Variants in B3GALT1 observed in about 807,000 individuals in gnomAD.
B3GALT1 encodes UDP-Gal:betaGlcNAc beta 1,3-galactosyltransferase, polypeptide 1.
A neutral mutation model predicts 23.2 loss-of-function variants in B3GALT1; 10 were observed. The ratio of observed to expected loss-of-function variants is 0.43; its 90% CI spans 0.27 to 0.73. B3GALT1 has a LOEUF of 0.73. Ranked by LOEUF, B3GALT1 falls within the 30% of genes least tolerant of loss-of-function variation. The pLI is 0.21. For synonymous variants in B3GALT1, 156 were observed against 141.5 expected (o/e 1.10, Z -0.73); for missense variants, 299 against 405.4 (o/e 0.74, Z 2.25).
At chr2:167,811,649 T>C (rs1688891352) in intron 3 of B3GALT1, among the ~76,000 whole-genome samples, 1 of 150,886 alleles carries the variant, frequency 6.6e-6, no homozygotes, top group Non-Finnish European at 1.5e-5. Flanking sequence ...CAAATCCCCA[T>C]CTAGTACGAT....
At position 167,369,819 on chromosome 2, in the gene B3GALT1, C is replaced by T. The variant is rs552561492; in HGVS notation, c.-511+76485C>T. 1.0e-3 allele frequency among the ~76,000 whole-genome samples: 157 copies of T among 152,180 alleles called. 3 individuals are homozygous for T. The highest frequency in any genetic ancestry group is 3.6e-3 in the African/African-American group (149 of 41,508). ...AACCAAGTTTTAGAGAGTATTTTAGCAGCATCACATTGAACTAAAGAGCAA... is the reference window on the plus strand; with the variant it reads ...AACCAAGTTTTAGAGAGTATTTTAGTAGCATCACATTGAACTAAAGAGCAA... On this transcript the variant is annotated intron_variant, in intron 1 of 4. Transcript: ENST00000392690.
rs983923558 is a variant in B3GALT1 at position 167,350,731 on chromosome 2, C to A, written c.-511+57397C>A. ...CAACACAAAGTGGCATGAATGCAGCCACATGTTCCGCATGGATATAGCCAC... is the reference window on the plus strand; with the variant it reads ...CAACACAAAGTGGCATGAATGCAGCAACATGTTCCGCATGGATATAGCCAC... On this transcript the variant is annotated intron_variant, in intron 1 of 4. Transcript: ENST00000392690. Among the ~76,000 whole-genome samples the A allele has an allele frequency of 2.0e-5, 3 of 152,190 alleles. No individual in the cohort carries two copies. In the South Asian group the frequency reaches 6.2e-4, roughly 31 times the overall value.
chr2:167,846,996 T>TA (rs575660879), intron 4 of B3GALT1, among the ~76,000 whole-genome samples: 1 of 152,138 alleles, frequency 6.6e-6, no homozygotes, highest in Non-Finnish European at 1.5e-5. Flanking sequence ...CAACAGCAGT[T>TA]AAAAGAGACA....
intron 3 of B3GALT1, among the ~76,000 whole-genome samples, chr2:167,716,429 A>T (rs1257985146): frequency 6.6e-6 from 1 of 152,212 alleles, no homozygotes; most frequent in Non-Finnish European, 1.5e-5. Flanking sequence ...TTTGATCATT[A>T]TATAATCTCT....
intron 2 of B3GALT1, among the ~76,000 whole-genome samples, chr2:167,510,494 C>T (rs1036751381): frequency 6.6e-6 from 1 of 151,372 alleles, no homozygotes; most frequent in Non-Finnish European, 1.5e-5. Context: ...TAAGAACTCC[C>T]CACTAGTAAA....
intron 3 of B3GALT1, among the ~76,000 whole-genome samples, chr2:167,770,013 T>C (rs1688045660): frequency 6.6e-6 from 1 of 152,264 alleles, no homozygotes; most frequent in Non-Finnish European, 1.5e-5. Context: ...ACCAGCAATG[T>C]ATGAAATTTC....
intron 3 of B3GALT1, among the ~76,000 whole-genome samples, chr2:167,775,568 C>CAA (rs60193092): frequency 1.2e-3 from 157 of 133,866 alleles, no homozygotes; most frequent in South Asian, 3.6e-3. Flanking sequence ...GACGCTGTCT[C>CAA]AAAAAAAAAA....
intron 2 of B3GALT1, among the ~76,000 whole-genome samples, chr2:167,597,721 A>G (rs946759178): frequency 1.3e-5 from 2 of 152,156 alleles, no homozygotes; most frequent in Non-Finnish European, 2.9e-5. Flanking sequence ...CAGAAGAAAA[A>G]GTTGATTCCA....
chr2:167,536,714 A>G (rs1422380257), intron 2 of B3GALT1, among the ~76,000 whole-genome samples: 1 of 152,136 alleles, frequency 6.6e-6, no homozygotes, highest in Admixed American at 6.5e-5. Context: ...ATGTCCCCCT[A>G]AAGACTCCAG....
intron 2 of B3GALT1, among the ~76,000 whole-genome samples, chr2:167,633,962 A>G (rs777556952): frequency 1.4e-4 from 22 of 152,126 alleles, no homozygotes; most frequent in Non-Finnish European, 2.9e-4. Context: ...ACTCCTCACC[A>G]AATGCAAAAG....
chr2:167,422,168 G>A (rs914148468), intron 1 of B3GALT1, among the ~76,000 whole-genome samples: 8 of 151,248 alleles, frequency 5.3e-5, no homozygotes, highest in African/African-American at 1.9e-4. Flanking sequence ...GGAAGGAGAA[G>A]GAGACGACAG....
rs139980188 is a variant in B3GALT1, at chr2:167,474,251, C to G, written c.-510-15926C>G. ...AATTGCCACACTACCAGCTAATTGA[C>G]TTGACGTCTGGTGACAGAGTCTTAA... is the stretch of plus-strand genomic sequence containing the variant. On this transcript the variant is annotated intron_variant, in intron 1 of 4. Coordinates refer to ENST00000392690, the MANE Select transcript of B3GALT1 (RefSeq NM_020981.4). 5.0e-3 allele frequency among the ~76,000 whole-genome samples: 767 copies of G among 152,274 alleles called. 2 individuals are homozygous for G. Among genetic ancestry groups the G allele is most frequent in the African/African-American group, 0.017 (699 of 41,556 alleles).
rs1686102035 is a variant in B3GALT1 at position 167,663,195 on chromosome 2, T to G, written c.-352+16229T>G. 3.4e-5 allele frequency among the ~76,000 whole-genome samples: 5 copies of G among 147,122 alleles called. No individual in the cohort carries two copies. In the East Asian group the frequency reaches 1.0e-3, roughly 30 times the overall value. ...TCATTGTTCAATTCCCACCTATGAG[T>G]GAGAATATGCGGTGTTTGGTTTTTT... On this transcript the variant is annotated intron_variant, in intron 3 of 4. Transcript: ENST00000392690.
intron 1 of B3GALT1, among the ~76,000 whole-genome samples, chr2:167,355,318 A>G (rs564302065): frequency 6.6e-6 from 1 of 152,350 alleles, no homozygotes; most frequent in East Asian, 1.9e-4. Context: ...TTCTTGGTTC[A>G]TTACTGCAGA....
At chr2:167,485,131 C>T (rs1699608108) in intron 1 of B3GALT1, among the ~76,000 whole-genome samples, 1 of 151,962 alleles carries the variant, frequency 6.6e-6, no homozygotes, top group Non-Finnish European at 1.5e-5. Context: ...ATCCTCTTGG[C>T]CAAGAGGAGG....
At chr2:167,585,906 G>A (rs887279797) in intron 2 of B3GALT1, among the ~76,000 whole-genome samples, 1 of 152,182 alleles carries the variant, frequency 6.6e-6, no homozygotes, top group African/African-American at 2.4e-5. Flanking sequence ...AAGTTAAGCA[G>A]GCACAAAAGA....
At chr2:167,798,583 T>C (rs57390660) in intron 3 of B3GALT1, among the ~76,000 whole-genome samples, 4,291 of 152,296 alleles carry the variant, frequency 0.028, 90 homozygotes, top group South Asian at 0.069. Context: ...TAGTTGAAGA[T>C]AGATGGCTGT....
chr2:167,520,231 A>G (rs534854110), intron 2 of B3GALT1, among the ~76,000 whole-genome samples: 1 of 152,280 alleles, frequency 6.6e-6, no homozygotes, highest in East Asian at 1.9e-4. Flanking sequence ...TCCCTAAAGT[A>G]TTAAGGATTG....
intron 3 of B3GALT1, among the ~76,000 whole-genome samples, chr2:167,758,577 C>T (rs772380004): frequency 5.9e-5 from 9 of 152,086 alleles, no homozygotes; most frequent in South Asian, 2.1e-4. Context: ...TTGCTGCCTC[C>T]GATGCTGCTC....
Sources: allele counts gnomAD v4.1 joint callset (sites outside exome capture counted in the v4.1 genomes callset), GRCh38; gene constraint gnomAD v4.1.1; transcripts MANE v1.5; gene names NCBI Gene and HGNC (gene_info 2026-07-23, HGNC 2026-07-21).